Variants in IDO2 observed in about 807,000 individuals in gnomAD.
IDO2 encodes the protein indoleamine 2,3-dioxygenase-like 1 protein.
In IDO2, 46 loss-of-function variants were observed where a neutral mutation model predicts 45.1. The ratio of observed to expected loss-of-function variants is 1.02; its 90% CI spans 0.80 to 1.30. The LOEUF is 1.30. IDO2 is among the 50% of genes most tolerant of loss of function. IDO2 has a pLI of 0.00. For synonymous variants in IDO2, 218 were observed against 184.9 expected (o/e 1.18, Z -1.45); for missense variants, 544 against 491.8 (o/e 1.11, Z -1.00).
At chr8:40,010,470 T>C (rs1802294263) in intron 9 of IDO2, among the ~76,000 whole-genome samples, 1 of 152,210 alleles carries the variant, frequency 6.6e-6, no homozygotes, top group Non-Finnish European at 1.5e-5. Flanking sequence ...CAATGTGATC[T>C]GCCTTCAGTT....
At chr8:39,978,007 G>C (rs1390610678) in intron 3 of IDO2, among the ~76,000 whole-genome samples, 1 of 152,186 alleles carries the variant, frequency 6.6e-6, no homozygotes, top group African/African-American at 2.4e-5. Flanking sequence ...GTAGCCTCCT[G>C]TTGTGCTATC....
At chr8:39,966,336 A>G (rs1376351227) in intron 3 of IDO2, among the ~76,000 whole-genome samples, 17 of 151,888 alleles carry the variant, frequency 1.1e-4, no homozygotes, top group Non-Finnish European at 1.9e-4. Flanking sequence ...CTCTATCCCT[A>G]CTCTTAATTG....
At chr8:39,969,548 G>A (rs778860194) in intron 3 of IDO2, among the ~76,000 whole-genome samples, 10 of 152,144 alleles carry the variant, frequency 6.6e-5, no homozygotes, top group Non-Finnish European at 1.0e-4. Context: ...AAGTGTTCAA[G>A]TGAAAGGAGT....
chr8:39,935,363 G>T (rs1427267302), intron 1 of IDO2, 145 bp downstream of exon 1: 2 of 727,972 alleles, frequency 2.7e-6, no homozygotes, highest in Admixed American at 2.3e-5. Flanking sequence ...ATTGCAAAGT[G>T]CACATGTACT....
At chr8:39,994,491 A>G (rs571250521) in intron 8 of IDO2, among the ~76,000 whole-genome samples, 20 of 152,238 alleles carry the variant, frequency 1.3e-4, no homozygotes, top group South Asian at 6.2e-4. Flanking sequence ...TCCTGACCTT[A>G]GGTGATCTGC....
At chr8:39,982,534 G>C in intron 4 of IDO2, 118 bp from the exon 5 acceptor site, 1 of 654,540 alleles carries the variant, frequency 1.5e-6, no homozygotes, top group South Asian at 2.0e-5. Flanking sequence ...GGTAATTCAA[G>C]CTTGGTTCCC....
chr8:39,974,846 G>T (rs971176655), intron 3 of IDO2, among the ~76,000 whole-genome samples: 2 of 151,704 alleles, frequency 1.3e-5, no homozygotes. Flanking sequence ...GCTTGAACCC[G>T]GGAGGCAGAG....
At chr8:39,971,773 T>G (rs536232429) in intron 3 of IDO2, among the ~76,000 whole-genome samples, 1 of 152,250 alleles carries the variant, frequency 6.6e-6, no homozygotes, top group East Asian at 1.9e-4. Context: ...AATCTGATTT[T>G]ATAACTGAGT....
At chr8:39,940,397 T>G (rs1807625555) in intron 1 of IDO2, among the ~76,000 whole-genome samples, 1 of 152,182 alleles carries the variant, frequency 6.6e-6, no homozygotes, top group South Asian at 2.1e-4. Context: ...TTCAAGGAGC[T>G]TATAATCTAA....
rs1458310648 is a variant in IDO2, at chr8:39,963,705, T to C, written c.195+2T>C. ...CAGCTTCAAGCTCATGTGGACAAGG[T>C]ATTCTTCTCTTCACCCCCTCATCAC... On this transcript the variant is annotated splice_donor_variant, in intron 3 of 10. Coordinates refer to ENST00000502986, the Ensembl canonical transcript of IDO2. LOFTEE classifies it high-confidence loss of function. 6.4e-7 allele frequency: 1 copy of C among 1,573,058 alleles called. No homozygotes were observed. The highest frequency in any genetic ancestry group is 1.7e-5 in the Admixed American group (1 of 58,236).
chr8:40,015,328 T>C (rs373052122), exon 11 of IDO2: 33 of 1,613,762 alleles, frequency 2.0e-5, no homozygotes, highest in Non-Finnish European at 2.8e-5. Context: ...GCACCTTCCC[T>C]GAGGGACTAC....
chr8:39,934,944 T>C, exon 1 of IDO2: 1 of 617,494 alleles, frequency 1.6e-6, no homozygotes, highest in Non-Finnish European at 2.9e-6. Context: ...ACACACTGGT[T>C]TGGAAATTTC....
intron 3 of IDO2, among the ~76,000 whole-genome samples, chr8:39,970,914 G>A (rs1808168613): frequency 6.6e-6 from 1 of 151,126 alleles, no homozygotes; most frequent in African/African-American, 2.4e-5. Flanking sequence ...CTACAGGCAC[G>A]TGCCACCATG....
At chr8:39,974,505 C>G (rs985038390) in intron 3 of IDO2, among the ~76,000 whole-genome samples, 1 of 152,094 alleles carries the variant, frequency 6.6e-6, no homozygotes, top group Admixed American at 6.6e-5. Context: ...TTCTAGGGCC[C>G]GGCACGGTGG....
intron 7 of IDO2, among the ~76,000 whole-genome samples, chr8:39,988,347 G>T (rs1808454145): frequency 6.6e-6 from 1 of 152,032 alleles, no homozygotes; most frequent in Non-Finnish European, 1.5e-5. Flanking sequence ...AAATTCTTCA[G>T]GAGTCAGACA....
chr8:39,985,988 C>A (rs1275877433), intron 6 of IDO2: 2 of 153,738 alleles, frequency 1.3e-5, no homozygotes, highest in African/African-American at 4.8e-5. Flanking sequence ...CACCACCACA[C>A]CTGGCTAATT....
chr8:39,939,182 G>T (rs1807603170), intron 1 of IDO2, among the ~76,000 whole-genome samples: 1 of 149,416 alleles, frequency 6.7e-6, no homozygotes, highest in Admixed American at 6.8e-5. Flanking sequence ...GGTGGAGGTT[G>T]CAGTGAGCCG....
At position 39,934,772 on chromosome 8, in the gene IDO2, C is replaced by CT; in HGVS notation, c.-460dup. ...CCCTAGAGACGCTGAGGTGGTTGTA[C>CT]TTTTGCCATAGGAGTGGCAGCCAGA... On this transcript the variant is annotated 5_prime_UTR_variant, in exon 1 of 11. An upstream open reading frame in the 5' UTR gains an earlier in-frame stop. Coordinates refer to ENST00000502986, the Ensembl canonical transcript of IDO2. 3.5e-6 allele frequency: 1 copy of CT among 281,968 alleles called. No individual in the cohort carries two copies. The highest frequency in any genetic ancestry group is 3.5e-5 in the South Asian group (1 of 28,324). The allele number at this position is 281,968 out of a possible 1,614,324, so 17.5% of individuals were successfully genotyped here.
chr8:40,015,823 G>A (rs755238185), exon 11 of IDO2: 1 of 529,296 alleles, frequency 1.9e-6, no homozygotes, highest in Non-Finnish European at 3.4e-6. Context: ...ACTGCTTAAC[G>A]GCATGTATAA....
Sources: allele counts gnomAD v4.1 joint callset (sites outside exome capture counted in the v4.1 genomes callset), GRCh38; gene constraint gnomAD v4.1.1; transcripts MANE v1.5; gene names NCBI Gene and HGNC (gene_info 2026-07-23, HGNC 2026-07-21).